EDIL3: variants seen among roughly 807,000 people sequenced by gnomAD.
EDIL3 encodes EGF-like repeat and discoidin I-like domain-containing protein 3.
In EDIL3, 37 loss-of-function variants were observed where a neutral mutation model predicts 67.4. The observed-to-expected ratio is 0.55, with a 90% CI of 0.42 to 0.72. The LOEUF (loss-of-function observed/expected upper bound fraction) is 0.72. Among genes scored for constraint, EDIL3 ranks in the 30% least tolerant of loss-of-function variants. The pLI is 0.00. For missense variants in EDIL3, 527 were observed against 586.3 expected, an observed-to-expected ratio of 0.90 and a Z score of 1.04; for synonymous variants, 195 against 196.3, an observed-to-expected ratio of 0.99 and a Z score of 0.05.
At chr5:84,155,612 T>C (rs1012355630) in intron 4 of EDIL3, among the ~76,000 whole-genome samples, 1 of 152,230 alleles carries the variant, frequency 6.6e-6, no homozygotes, top group South Asian at 2.1e-4. Flanking sequence ...GCATATATCT[T>C]CTATTTTTTA....
intron 9 of EDIL3, among the ~76,000 whole-genome samples, chr5:84,041,698 CTATATATA>C (rs10600425): frequency 1.4e-5 from 2 of 147,052 alleles, no homozygotes; most frequent in South Asian, 4.2e-4. Context: ...ATATCTCTAC[CTATATATA>C]TATATAGATA....
At position 84,172,653 on chromosome 5, in the gene EDIL3, T is replaced by C. The variant is rs144278752; in HGVS notation, c.355+7740A>G. ...GAAAAAGAGGAAAGAATGAGGTGAA[T>C]TCTTTATTAGGGAATATTGGTTTTC... On this transcript the variant is annotated intron_variant, in intron 4 of 10. Transcript: ENST00000296591. Among the ~76,000 whole-genome samples, 811 of 150,406 alleles carry C rather than the reference T, an allele frequency of 5.4e-3. 6 individuals are homozygous for C. The highest frequency in any genetic ancestry group is 0.019 in the African/African-American group (767 of 41,224).
chr5:84,179,252 G>A (rs2112356473), intron 4 of EDIL3, among the ~76,000 whole-genome samples: 1 of 152,276 alleles, frequency 6.6e-6, no homozygotes, highest in African/African-American at 2.4e-5. Context: ...TGAAGGCTGA[G>A]CAGTGATGCT....
Position 83,943,337 on chromosome 5 carries a change from T to G in EDIL3, c.*82A>C. 1 of 1,555,376 alleles carries G rather than the reference T, an allele frequency of 6.4e-7. No homozygotes were observed. The highest frequency in any genetic ancestry group is 1.9e-5 in the Admixed American group (1 of 51,824). On this transcript the variant is annotated 3_prime_UTR_variant, in exon 11 of 11. Transcript: ENST00000296591. ...TGAAAAAAAAAAAAAAACCATTCAGTTTCCTACAGATTTTGCACAGTTCAT... is the reference window on the plus strand; with the variant it reads ...TGAAAAAAAAAAAAAAACCATTCAGGTTCCTACAGATTTTGCACAGTTCAT...
chr5:84,185,338 G>T (rs574066613), intron 3 of EDIL3, among the ~76,000 whole-genome samples: 1 of 152,204 alleles, frequency 6.6e-6, no homozygotes, highest in African/African-American at 2.4e-5. Context: ...CAGGAAATGG[G>T]TCACAGTGTA....
intron 9 of EDIL3, among the ~76,000 whole-genome samples, chr5:83,993,414 T>A (rs1160566409): frequency 6.6e-6 from 1 of 152,214 alleles, no homozygotes; most frequent in African/African-American, 2.4e-5. Flanking sequence ...TCATATTATT[T>A]AGAAATGTAA....
At chr5:84,124,805 T>C (rs1416821989) in intron 5 of EDIL3, among the ~76,000 whole-genome samples, 2 of 151,986 alleles carry the variant, frequency 1.3e-5, no homozygotes, top group Non-Finnish European at 2.9e-5. Flanking sequence ...AAAGCTCCTA[T>C]GACAAAATCC....
intron 1 of EDIL3, among the ~76,000 whole-genome samples, chr5:84,375,566 C>T (rs987227498): frequency 1.3e-5 from 2 of 152,060 alleles, no homozygotes; most frequent in African/African-American, 4.8e-5. Flanking sequence ...GAAATAAAAA[C>T]CTTGTTAACC....
At chr5:84,380,038 T>C (rs143424574) in intron 1 of EDIL3, among the ~76,000 whole-genome samples, 1,605 of 152,126 alleles carry the variant, frequency 0.011, 17 homozygotes, top group Middle Eastern at 0.027. Context: ...TGGTAATACA[T>C]TCAGTTTAAG....
intron 1 of EDIL3, among the ~76,000 whole-genome samples, chr5:84,302,336 G>A (rs771248633): frequency 4.0e-5 from 6 of 151,676 alleles, no homozygotes; most frequent in Non-Finnish European, 5.9e-5. Flanking sequence ...TCACTCTGTC[G>A]CCCAGGCTAG....
At position 84,222,509 on chromosome 5, in the gene EDIL3, T is replaced by C. The variant is rs1484395800; in HGVS notation, c.226+7346A>G. Among the ~76,000 whole-genome samples the C allele has an allele frequency of 4.0e-5, 6 of 151,880 alleles. No individual in the cohort carries two copies. In the East Asian group the frequency reaches 1.2e-3, roughly 29 times the overall value. On this transcript the variant is annotated intron_variant, in intron 3 of 10. Coordinates refer to ENST00000296591, the MANE Select transcript of EDIL3 (RefSeq NM_005711.5). ...AATATTTTATAAGCTATATGTCCAG[T>C]GACCTCTATCATCACTACCAGTTGG...
intron 3 of EDIL3, among the ~76,000 whole-genome samples, chr5:84,225,935 G>T (rs1297253288): frequency 6.6e-6 from 1 of 151,300 alleles, no homozygotes. Flanking sequence ...TATTAATCAG[G>T]ATGCTGTGAT....
chr5:84,191,277 CAGGAGGTGG>C (rs1235627245), intron 3 of EDIL3, among the ~76,000 whole-genome samples: 6 of 152,020 alleles, frequency 3.9e-5, no homozygotes, highest in Admixed American at 3.9e-4. Context: ...AAGGCAGTGG[CAGGAGGTGG>C]AGGAAAGGAT....
intron 10 of EDIL3, among the ~76,000 whole-genome samples, chr5:83,945,785 C>T (rs372851401): frequency 1.4e-4 from 22 of 151,916 alleles, no homozygotes; most frequent in Middle Eastern, 3.4e-3. Context: ...TGAAGTTTCA[C>T]GAAACAGGAT....
rs55668328 is a variant in EDIL3, at chr5:84,176,285, A to T, written c.355+4108T>A. Among the ~76,000 whole-genome samples the T allele has an allele frequency of 9.5e-3, 1,356 of 142,372 alleles. 28 individuals carry two copies. Among genetic ancestry groups the T allele is most frequent in the African/African-American group, 0.034 (1,310 of 38,254 alleles). The allele number at this position is 142,372 out of a possible 152,430, so 93.4% of individuals were successfully genotyped here. A position where few individuals can be genotyped will look rare whatever the true frequency, so the allele number is the denominator to read the frequency against. On this transcript the variant is annotated intron_variant, in intron 4 of 10. Transcript: ENST00000296591. ...TTATATATATTGTATAAAATATATT[A>T]TATATAAAATATATTTCCATATATA...
intron 1 of EDIL3, among the ~76,000 whole-genome samples, chr5:84,299,377 G>C (rs1290996636): frequency 1.3e-5 from 2 of 152,082 alleles, no homozygotes; most frequent in African/African-American, 4.8e-5. Context: ...ATTATTACTT[G>C]AAGATATATG....
At chr5:84,367,797 C>G (rs1216127237) in intron 1 of EDIL3, among the ~76,000 whole-genome samples, 1 of 152,074 alleles carries the variant, frequency 6.6e-6, no homozygotes, top group East Asian at 1.9e-4. Flanking sequence ...ATTTCTACCC[C>G]ATCCTTTCAA....
intron 3 of EDIL3, among the ~76,000 whole-genome samples, chr5:84,183,651 T>C (rs2112360500): frequency 6.6e-6 from 1 of 152,218 alleles, no homozygotes; most frequent in Non-Finnish European, 1.5e-5. Flanking sequence ...AAAATAGTTA[T>C]TTAAACCAAA....
intron 1 of EDIL3, among the ~76,000 whole-genome samples, chr5:84,257,517 T>C (rs966106163): frequency 1.3e-5 from 2 of 152,166 alleles, no homozygotes; most frequent in Non-Finnish European, 2.9e-5. Context: ...ATGTACAAGG[T>C]AGAATCAAGA....
Sources: gnomAD v4.1 joint callset for allele counts (sites outside exome capture counted in the v4.1 genomes callset) on GRCh38, gnomAD v4.1.1 for gene constraint, MANE v1.5 for transcripts, NCBI Gene and HGNC (gene_info 2026-07-23, HGNC 2026-07-21) for gene names.